JMJD1C: variants seen among roughly 807,000 people sequenced by gnomAD.
JMJD1C encodes the protein jumonji domain-containing protein 1C.
In JMJD1C, 31 loss-of-function variants were observed where a neutral mutation model predicts 245.3. The ratio of observed to expected loss-of-function variants is 0.13; its 90% CI spans 0.09 to 0.17. The LOEUF (loss-of-function observed/expected upper bound fraction) is 0.17, where lower values mean the gene tolerates loss of function less well. JMJD1C is among the 10% of genes least tolerant of loss of function. The pLI is 1.00. For missense variants in JMJD1C, 2,691 were observed against 3,000.2 expected (o/e 0.90, Z 2.41); for synonymous variants, 1,057 against 1,017.4 (o/e 1.04, Z -0.74).
chr10:63,281,009 G>A (rs901146136), intron 2 of JMJD1C, among the ~76,000 whole-genome samples: 15 of 150,796 alleles, frequency 9.9e-5, no homozygotes, highest in African/African-American at 3.2e-4. Context: ...CCAGGATGGA[G>A]TGCAGTGGTG....
chr10:63,461,362 TTAA>T (rs1952786358), intron 1 of JMJD1C, among the ~76,000 whole-genome samples: 2 of 152,296 alleles, frequency 1.3e-5, no homozygotes, highest in Middle Eastern at 3.4e-3. Context: ...ATCAGCATTT[TTAA>T]TAATGATGCA....
chr10:63,245,165 TA>T (rs1428393736), intron 3 of JMJD1C, among the ~76,000 whole-genome samples: 2 of 139,598 alleles, frequency 1.4e-5, no homozygotes, highest in Non-Finnish European at 3.1e-5. Flanking sequence ...AAAGAGAGAT[TA>T]AAAAAAATTA....
chr10:63,219,079 C>G (rs751504569), intron 4 of JMJD1C, among the ~76,000 whole-genome samples: 10 of 152,030 alleles, frequency 6.6e-5, no homozygotes, highest in Non-Finnish European at 1.2e-4. Context: ...AATGAAAGTT[C>G]ACTGAAATAT....
chr10:63,287,439 A>T (rs534224359), intron 2 of JMJD1C, among the ~76,000 whole-genome samples: 14 of 152,380 alleles, frequency 9.2e-5, no homozygotes, highest in Non-Finnish European at 1.8e-4. Flanking sequence ...TCAGAAAGAC[A>T]TTAGAAACAT....
intron 1 of JMJD1C, among the ~76,000 whole-genome samples, chr10:63,452,798 G>A (rs1341530729): frequency 2.0e-5 from 3 of 152,112 alleles, no homozygotes; most frequent in Non-Finnish European, 4.4e-5. Flanking sequence ...ATTATGCTAA[G>A]TTAAAATAAG....
chr10:63,421,229 G>A (rs774890533), intron 1 of JMJD1C, among the ~76,000 whole-genome samples: 3 of 152,198 alleles, frequency 2.0e-5, no homozygotes, highest in Non-Finnish European at 4.4e-5. Context: ...AACTACGCGG[G>A]AGGCTGAGGC....
chr10:63,377,429 TTTTTATTAAAAAA>T (rs1946834295), intron 2 of JMJD1C, among the ~76,000 whole-genome samples: 1 of 152,160 alleles, frequency 6.6e-6, no homozygotes. Flanking sequence ...CAATTAAAAA[TTTTTATTAAAAAA>T]TTTAGCAGAG....
intron 1 of JMJD1C, among the ~76,000 whole-genome samples, chr10:63,424,257 G>C (rs1207152255): frequency 6.8e-6 from 1 of 147,928 alleles, no homozygotes; most frequent in Non-Finnish European, 1.5e-5. Context: ...AGTAGAGACA[G>C]TGTCTCGCCA....
intron 2 of JMJD1C, among the ~76,000 whole-genome samples, chr10:63,329,124 A>G (rs1941852205): frequency 6.6e-6 from 1 of 152,092 alleles, no homozygotes; most frequent in African/African-American, 2.4e-5. Context: ...TCTACAAAAA[A>G]TACAAAAATT....
chr10:63,296,014 T>TATA (rs1554877207), intron 2 of JMJD1C, among the ~76,000 whole-genome samples: 799 of 23,784 alleles, frequency 0.034, 45 homozygotes, highest in African/African-American at 0.16. Flanking sequence ...TATATATATA[T>TATA]TTTTTTTTTT....
intron 2 of JMJD1C, among the ~76,000 whole-genome samples, chr10:63,367,405 C>G (rs750666693): frequency 2.6e-5 from 4 of 152,022 alleles, no homozygotes; most frequent in Admixed American, 6.6e-5. Flanking sequence ...CGCCACCATG[C>G]CTGGCTAATT....
At chr10:63,440,980 C>T (rs2132927984) in intron 1 of JMJD1C, among the ~76,000 whole-genome samples, 1 of 152,110 alleles carries the variant, frequency 6.6e-6, no homozygotes, top group East Asian at 1.9e-4. Context: ...CTAACACAAA[C>T]AAGTAGGAGG....
chr10:63,176,544 A>T, intron 23 of JMJD1C, 71 bp from the exon 24 acceptor site: 1 of 1,152,350 alleles, frequency 8.7e-7, no homozygotes, highest in African/African-American at 1.5e-5. Flanking sequence ...GTTAAATTTC[A>T]ATTTTATTTG....
intron 1 of JMJD1C, among the ~76,000 whole-genome samples, chr10:63,444,622 T>C (rs555657946): frequency 2.0e-5 from 3 of 149,690 alleles, no homozygotes; most frequent in South Asian, 4.2e-4. Flanking sequence ...ATACCTACTA[T>C]CTTTTTTTTT....
At chr10:63,188,831 T>A (rs1006623399) in intron 18 of JMJD1C, among the ~76,000 whole-genome samples, 1 of 152,206 alleles carries the variant, frequency 6.6e-6, no homozygotes, top group African/African-American at 2.4e-5. Context: ...ATAGTAGACA[T>A]GGATCTACTA....
At chr10:63,309,790 G>A (rs899231501) in intron 2 of JMJD1C, among the ~76,000 whole-genome samples, 8 of 151,988 alleles carry the variant, frequency 5.3e-5, no homozygotes, top group Middle Eastern at 3.2e-3. Flanking sequence ...GGTGGCGCAC[G>A]CCTGTAATCT....
chr10:63,414,618 T>C (rs918605067), intron 1 of JMJD1C, among the ~76,000 whole-genome samples: 3 of 152,068 alleles, frequency 2.0e-5, no homozygotes, highest in Non-Finnish European at 2.9e-5. Context: ...CCGGGCACAG[T>C]AGATGATGCC....
chr10:63,428,826 T>C (rs971260004), intron 1 of JMJD1C, among the ~76,000 whole-genome samples: 3 of 152,174 alleles, frequency 2.0e-5, no homozygotes, highest in African/African-American at 7.2e-5. Flanking sequence ...ACTATTATAA[T>C]AATAATACTC....
At position 63,453,867 on chromosome 10, in the gene JMJD1C, T is replaced by C. The variant is rs1952230232; in HGVS notation, c.168+11628A>G. 2.0e-5 allele frequency among the ~76,000 whole-genome samples: 3 copies of C among 152,158 alleles called. 1 individual carries two copies. The highest frequency in any genetic ancestry group is 7.2e-5 in the African/African-American group (3 of 41,518). ...GATTCTCCTGCCTCAGCCTCCTGAG[T>C]AGCTGGAACTACACCCGGCTAATTT... On this transcript the variant is annotated intron_variant, in intron 1 of 25. Coordinates refer to ENST00000399262, the MANE Select transcript of JMJD1C (RefSeq NM_032776.3).
Sources: gnomAD v4.1 joint callset for allele counts (sites outside exome capture counted in the v4.1 genomes callset) on GRCh38, gnomAD v4.1.1 for gene constraint, MANE v1.5 for transcripts, NCBI Gene and HGNC (gene_info 2026-07-23, HGNC 2026-07-21) for gene names.